LPIN2: variants seen among roughly 807,000 people sequenced by gnomAD.
The protein encoded by LPIN2 is lipin 2.
LPIN2 carries 55 observed loss-of-function variants against 111.4 expected under a neutral mutation model. The observed-to-expected ratio is 0.49, with a 90% CI of 0.40 to 0.62. The LOEUF (loss-of-function observed/expected upper bound fraction) is 0.62. LPIN2 is among the 20% of genes least tolerant of loss of function. LPIN2 has a pLI of 0.00. For missense variants in LPIN2, 992 were observed against 1,112.1 expected, an observed-to-expected ratio of 0.89 and a Z score of 1.54; for synonymous variants, 425 against 414.0, an observed-to-expected ratio of 1.03 and a Z score of -0.32.
intron 4 of LPIN2, among the ~76,000 whole-genome samples, chr18:2,943,230 A>G (rs2077392024): frequency 6.6e-6 from 1 of 152,188 alleles, no homozygotes; most frequent in African/African-American, 2.4e-5. Flanking sequence ...GAAACAAATC[A>G]ATAAGCATTT....
intron 1 of LPIN2, among the ~76,000 whole-genome samples, chr18:2,993,266 A>G (rs1369330433): frequency 1.3e-5 from 2 of 152,232 alleles, no homozygotes; most frequent in African/African-American, 4.8e-5. Context: ...AATTAAAATT[A>G]TGCAATAAAA....
At chr18:2,969,623 T>C (rs2077870373) in intron 1 of LPIN2, among the ~76,000 whole-genome samples, 1 of 152,212 alleles carries the variant, frequency 6.6e-6, no homozygotes, top group Admixed American at 6.5e-5. Context: ...AGAGTGGTCC[T>C]TGGACTGCCT....
chr18:2,991,684 C>T (rs2078267593), intron 1 of LPIN2, among the ~76,000 whole-genome samples: 1 of 151,976 alleles, frequency 6.6e-6, no homozygotes, highest in East Asian at 1.9e-4. Context: ...TACACTCCAA[C>T]CTGAGCACCA....
At chr18:3,001,678 A>G (rs2078437693) in intron 1 of LPIN2, among the ~76,000 whole-genome samples, 1 of 152,158 alleles carries the variant, frequency 6.6e-6, no homozygotes. Context: ...CAAGCACAGA[A>G]AAGAAATGAA....
intron 1 of LPIN2, among the ~76,000 whole-genome samples, chr18:2,993,940 C>A (rs924809102): frequency 1.3e-5 from 2 of 152,222 alleles, no homozygotes; most frequent in African/African-American, 4.8e-5. Flanking sequence ...GGTTAGTCTG[C>A]AGACCCCAAG....
chr18:2,957,786 T>A (rs1012929947), intron 2 of LPIN2, among the ~76,000 whole-genome samples: 8 of 152,206 alleles, frequency 5.3e-5, no homozygotes, highest in African/African-American at 1.9e-4. Flanking sequence ...CTTTTTTGCC[T>A]AAGCTAGTAG....
At chr18:2,959,676 C>T (rs1330505579) in intron 2 of LPIN2, among the ~76,000 whole-genome samples, 2 of 152,138 alleles carry the variant, frequency 1.3e-5, no homozygotes, top group African/African-American at 4.8e-5. Context: ...ATAAGAAAAA[C>T]CTACACAAAT....
At position 2,920,034 on chromosome 18, in the gene LPIN2, A is replaced by G. The variant is rs949811056; in HGVS notation, c.*259T>C. 7.0e-6 allele frequency: 4 copies of G among 567,782 alleles called. No homozygotes were observed. Among genetic ancestry groups the G allele is most frequent in the Admixed American group, 3.0e-5 (1 of 32,948 alleles). 35.2% of individuals were successfully genotyped at this position (567,782 alleles called of 1,614,324 possible). ...GAGGCCCCAGCTCACAGCAGGAAAC[A>G]TGTGTGCGACCCACAAAGGAGGGAT... On this transcript the variant is annotated 3_prime_UTR_variant, in exon 20 of 20. Coordinates refer to ENST00000677752, the MANE Select transcript of LPIN2 (RefSeq NM_001375808.2).
At chr18:3,009,773 T>TA (rs1262936913) in intron 1 of LPIN2, among the ~76,000 whole-genome samples, 3 of 152,172 alleles carry the variant, frequency 2.0e-5, no homozygotes, top group African/African-American at 7.2e-5. Context: ...AATTTTAACA[T>TA]AAACTGACAA....
intron 2 of LPIN2, among the ~76,000 whole-genome samples, chr18:2,960,085 G>A (rs1028121816): frequency 1.3e-5 from 2 of 151,854 alleles, no homozygotes; most frequent in African/African-American, 2.4e-5. Flanking sequence ...CAGGAGAATC[G>A]CTTGAACCTG....
chr18:2,946,502 T>C (rs984689569), intron 4 of LPIN2: 8 of 1,563,444 alleles, frequency 5.1e-6, no homozygotes, highest in Admixed American at 1.7e-5. Context: ...ATCGAAGCGC[T>C]GACCGCAGCT....
At chr18:2,931,964 A>G (rs1329329488) in intron 8 of LPIN2, among the ~76,000 whole-genome samples, 1 of 152,236 alleles carries the variant, frequency 6.6e-6, no homozygotes, top group East Asian at 1.9e-4. Flanking sequence ...AGGAAGGAGA[A>G]ATTAAACGAG....
intron 1 of LPIN2, among the ~76,000 whole-genome samples, chr18:3,000,528 C>T (rs1052777186): frequency 2.6e-5 from 4 of 152,222 alleles, no homozygotes; most frequent in African/African-American, 4.8e-5. Flanking sequence ...CATATGGGCA[C>T]GACTACACAA....
At chr18:3,002,896 G>C (rs764327011) in intron 1 of LPIN2, among the ~76,000 whole-genome samples, 4 of 152,160 alleles carry the variant, frequency 2.6e-5, no homozygotes, top group Non-Finnish European at 5.9e-5. Flanking sequence ...AGACCTACTT[G>C]ATTCCTCTAT....
At chr18:2,944,335 T>A (rs1211221841) in intron 4 of LPIN2, among the ~76,000 whole-genome samples, 10 of 12,562 alleles carry the variant, frequency 8.0e-4, no homozygotes, top group African/African-American at 7.0e-3. Flanking sequence ...TCCACAAACT[T>A]TTTTTTTTTT....
intron 1 of LPIN2, among the ~76,000 whole-genome samples, chr18:2,966,745 C>T (rs563755212): frequency 6.6e-6 from 1 of 152,294 alleles, no homozygotes; most frequent in African/African-American, 2.4e-5. Flanking sequence ...CTCCAAGTCT[C>T]CTCACACCAC....
chr18:2,976,860 T>C (rs1043178136), intron 1 of LPIN2, among the ~76,000 whole-genome samples: 1 of 152,186 alleles, frequency 6.6e-6, no homozygotes, highest in Non-Finnish European at 1.5e-5. Context: ...GTAAGAGCCT[T>C]TGGATCCACA....
chr18:3,008,413 GC>G (rs1452216789), intron 1 of LPIN2, among the ~76,000 whole-genome samples: 1 of 152,248 alleles, frequency 6.6e-6, no homozygotes, highest in Non-Finnish European at 1.5e-5. Flanking sequence ...CTGCACTCCA[GC>G]CTGGGTGACC....
At chr18:2,920,486 T>A (rs768008227) in intron 19 of LPIN2, 49 bp from the exon 20 acceptor site, 2 of 1,605,920 alleles carry the variant, frequency 1.2e-6, no homozygotes, top group South Asian at 1.1e-5. Flanking sequence ...TCAAGATCGG[T>A]CAAAGGCACA....
Sources: gnomAD v4.1 joint callset for allele counts (sites outside exome capture counted in the v4.1 genomes callset) on GRCh38, gnomAD v4.1.1 for gene constraint, MANE v1.5 for transcripts, NCBI Gene and HGNC (gene_info 2026-07-23, HGNC 2026-07-21) for gene names.